The following RGS8 variants were observed in gnomAD, a reference collection of about 807,000 sequenced individuals.
RGS8 encodes regulator of G-protein signaling 8.
A neutral mutation model predicts 21.7 loss-of-function variants in RGS8; 8 were observed. The ratio of observed to expected loss-of-function variants is 0.37; its 90% CI spans 0.22 to 0.66. The LOEUF (loss-of-function observed/expected upper bound fraction) is 0.66, where lower values mean the gene tolerates loss of function less well. Among genes scored for constraint, RGS8 ranks in the 30% least tolerant of loss-of-function variants. The probability of loss-of-function intolerance (pLI) is 0.59; values close to 1 mark genes in which losing one functional copy is unlikely to be tolerated. For missense variants in RGS8, 157 were observed against 217.9 expected (o/e 0.72, Z 1.76); for synonymous variants, 80 against 83.6 (o/e 0.96, Z 0.24).
rs569061470 is a variant in RGS8 at position 182,679,052 on chromosome 1, C to T, written n.221+5304G>A. ...AATTCTTCCTCCTGTGGCCTTCCAC[C>T]TATTCTTTCCCATGGACCCTCCTTT... On this transcript the variant is annotated intron_variant and non_coding_transcript_variant, in intron 1 of 4. Coordinates refer to the RGS8 transcript ENST00000515211. Among the ~76,000 whole-genome samples the T allele has an allele frequency of 3.8e-4, 58 of 152,272 alleles. No homozygotes were observed. The South Asian group carries it at 6.0e-3, about 16-fold the overall frequency.
the RGS8 span, among the ~76,000 whole-genome samples, chr1:182,712,265 T>C: frequency 9.2e-5 from 14 of 152,200 alleles, no homozygotes; most frequent in African/African-American, 3.4e-4. Context: ...AATGTGAGTT[T>C]TTCCTGAAGT....
At chr1:182,686,807 G>A (rs1468279794), upstream of RGS8, among the ~76,000 whole-genome samples, 1 of 152,148 alleles carries the variant, frequency 6.6e-6, no homozygotes. Flanking sequence ...AGGACAGCAA[G>A]AGAAGAGGGG....
At chr1:182,669,103 T>C (rs766731988) in intron 3 of RGS8, among the ~76,000 whole-genome samples, 3 of 152,238 alleles carry the variant, frequency 2.0e-5, no homozygotes, top group Non-Finnish European at 4.4e-5. Context: ...TTCTCCCAAA[T>C]AGTTTGCAAA....
At chr1:182,665,120 C>T (rs1156862479) in intron 5 of RGS8, among the ~76,000 whole-genome samples, 1 of 152,228 alleles carries the variant, frequency 6.6e-6, no homozygotes, top group Non-Finnish European at 1.5e-5. Context: ...TCAGTTAGGG[C>T]TTCTAATATC....
chr1:182,691,163 C>T, the RGS8 span, among the ~76,000 whole-genome samples: 2 of 152,286 alleles, frequency 1.3e-5, no homozygotes, highest in Admixed American at 1.3e-4. Context: ...AGAAGAATTG[C>T]CCAACTGACT....
chr1:182,738,865 G>T, the RGS8 span, among the ~76,000 whole-genome samples: 7 of 152,318 alleles, frequency 4.6e-5, no homozygotes, highest in East Asian at 1.3e-3. Flanking sequence ...CATGTGGAGA[G>T]CTGGGGAGGC....
chr1:182,731,621 C>T, the RGS8 span, among the ~76,000 whole-genome samples: 1 of 152,148 alleles, frequency 6.6e-6, no homozygotes, highest in African/African-American at 2.4e-5. Context: ...TTACAAAAAG[C>T]ACAAACACAC....
At chr1:182,689,636 G>A in the RGS8 span, among the ~76,000 whole-genome samples, 3 of 152,330 alleles carry the variant, frequency 2.0e-5, no homozygotes, top group Admixed American at 6.5e-5. Flanking sequence ...CCTGGGATAG[G>A]AAGGAGTCAG....
At chr1:182,751,981 G>C in the RGS8 span, among the ~76,000 whole-genome samples, 1 of 152,088 alleles carries the variant, frequency 6.6e-6, no homozygotes, top group African/African-American at 2.4e-5. Context: ...CAGGCGCCGC[G>C]GTTCCTATTG....
In RGS8 at chr1:182,666,050, A is replaced by G. The variant is rs372033496; in HGVS notation, c.129-17T>C. On this transcript the variant is annotated splice_polypyrimidine_tract_variant and intron_variant, in intron 4 of 6. Coordinates refer to ENST00000483095, the Ensembl canonical transcript of RGS8. ...GATAATCTCCTAGAAAAAAAGAAAC[A>G]TCTGTCTTGAATGTTTCTGAAATAA... is the stretch of plus-strand genomic sequence containing the variant. 3 of 1,610,158 alleles carry G rather than the reference A, an allele frequency of 1.9e-6. No homozygotes were observed. In the African/African-American group the frequency reaches 4.0e-5, roughly 22 times the overall value.
At chr1:182,643,329 C>CT (rs1203761380), downstream of RGS8, 5 of 114,864 alleles carry the variant, frequency 4.4e-5, 1 homozygote, top group Non-Finnish European at 7.2e-5. Flanking sequence ...CCCAGCCCCC[C>CT]CGCCCCCGCG....
the RGS8 span, among the ~76,000 whole-genome samples, chr1:182,730,710 CA>C: frequency 0.027 from 2,953 of 110,460 alleles, 56 homozygotes; most frequent in African/African-American, 0.073. Context: ...GACTGCATCT[CA>C]AAAAAAAAAA....
chr1:182,710,312 A>G, the RGS8 span, among the ~76,000 whole-genome samples: 4 of 152,130 alleles, frequency 2.6e-5, no homozygotes, highest in Non-Finnish European at 5.9e-5. Flanking sequence ...GAATTACTCA[A>G]ATGACCCAAT....
chr1:182,718,012 T>A, the RGS8 span, among the ~76,000 whole-genome samples: 4 of 152,224 alleles, frequency 2.6e-5, no homozygotes, highest in Non-Finnish European at 4.4e-5. Flanking sequence ...GAAAGGACTA[T>A]GAAAACTGTT....
chr1:182,672,894 C>T (rs1321477540), upstream of RGS8: 2 of 1,601,108 alleles, frequency 1.2e-6, no homozygotes, highest in Non-Finnish European at 1.7e-6. Context: ...TGTAGTGGTT[C>T]TCCAAGCGTG....
exon 7 of RGS8, chr1:182,646,868 T>A: frequency 1.2e-6 from 2 of 1,614,164 alleles, no homozygotes; most frequent in Non-Finnish European, 1.7e-6. Context: ...CAGGGATGGC[T>A]CCTGCAGGTT....
At chr1:182,667,025 G>A (rs1391941611) in intron 3 of RGS8, 52 bp from the exon 5 acceptor site, 3 of 1,450,658 alleles carry the variant, frequency 2.1e-6, no homozygotes, top group Non-Finnish European at 2.9e-6. Context: ...GATCACAGCT[G>A]TCAGCTCTAT....
chr1:182,671,924 T>G, exon 1 of RGS8: 3 of 1,444,080 alleles, frequency 2.1e-6, no homozygotes, highest in Non-Finnish European at 2.7e-6. Flanking sequence ...CAGTAAATAC[T>G]GAAGCAGCCT....
chr1:182,683,737 C>T (rs1664617116), intron 1 of RGS8, among the ~76,000 whole-genome samples: 1 of 151,780 alleles, frequency 6.6e-6, no homozygotes, highest in East Asian at 1.9e-4. Context: ...GTGCCCTCAA[C>T]TCACTGCTTA....
Sources: allele counts gnomAD v4.1 joint callset (sites outside exome capture counted in the v4.1 genomes callset), GRCh38; gene constraint gnomAD v4.1.1; transcripts MANE v1.5; gene names NCBI Gene and HGNC (gene_info 2026-07-23, HGNC 2026-07-21).